The following DIP2C variants were observed in gnomAD, a reference collection of about 807,000 sequenced individuals.
The protein encoded by DIP2C is DIP2 acetate--CoA ligase C (putative).
A neutral mutation model predicts 192.4 loss-of-function variants in DIP2C; 33 were observed. That is an observed-to-expected ratio of 0.17 (90% CI 0.13 to 0.23). The LOEUF is 0.23. Among genes scored for constraint, DIP2C ranks in the 10% least tolerant of loss-of-function variants. The probability of loss-of-function intolerance (pLI) is 1.00; values close to 1 mark genes in which losing one functional copy is unlikely to be tolerated. For missense variants in DIP2C, 1,537 were observed against 2,110.1 expected (o/e 0.73, Z 5.32); for synonymous variants, 979 against 864.1 (o/e 1.13, Z -2.33).
At chr10:532,734 G>GGT (rs1174397902) in intron 1 of DIP2C, among the ~76,000 whole-genome samples, 3 of 111,910 alleles carry the variant, frequency 2.7e-5, no homozygotes, top group African/African-American at 8.8e-5. Context: ...AGAGAGTATG[G>GGT]GTGTGAGAGA....
chr10:315,687 T>A (rs956500109), intron 31 of DIP2C, among the ~76,000 whole-genome samples: 1 of 152,206 alleles, frequency 6.6e-6, no homozygotes, highest in Non-Finnish European at 1.5e-5. Context: ...CTGCCTGGAG[T>A]TGACTGAGCT....
At chr10:521,991 G>C (rs2130819552) in intron 1 of DIP2C, among the ~76,000 whole-genome samples, 1 of 151,946 alleles carries the variant, frequency 6.6e-6, no homozygotes, top group African/African-American at 2.4e-5. Flanking sequence ...TGCTCACTCT[G>C]TGGGTTTCAC....
intron 32 of DIP2C, among the ~76,000 whole-genome samples, chr10:302,995 G>A (rs949173247): frequency 1.3e-5 from 2 of 151,936 alleles, no homozygotes; most frequent in South Asian, 2.1e-4. Context: ...GTCAGACATC[G>A]CATGTGTCTG....
At chr10:535,749 T>G (rs962709895) in intron 1 of DIP2C, among the ~76,000 whole-genome samples, 8 of 152,152 alleles carry the variant, frequency 5.3e-5, no homozygotes, top group Admixed American at 1.3e-4. Flanking sequence ...AAATCTTTTA[T>G]GTCAAATATG....
intron 1 of DIP2C, among the ~76,000 whole-genome samples, chr10:577,472 G>A (rs932022023): frequency 6.6e-6 from 1 of 152,214 alleles, no homozygotes; most frequent in African/African-American, 2.4e-5. Context: ...AGCTCTCTAT[G>A]AAGGTGGTAA....
chr10:577,166 A>G (rs1850218164), intron 1 of DIP2C, among the ~76,000 whole-genome samples: 2 of 152,224 alleles, frequency 1.3e-5, no homozygotes, highest in Non-Finnish European at 2.9e-5. Context: ...ATCCTACTGC[A>G]ATTAATCCTT....
chr10:418,192 G>A (rs867055998), intron 6 of DIP2C, among the ~76,000 whole-genome samples: 62 of 50,922 alleles, frequency 1.2e-3, no homozygotes, highest in Non-Finnish European at 1.5e-3. Context: ...CACCTGTCAG[G>A]GCGCGGACAG....
At chr10:335,543 G>A (rs915111284) in intron 29 of DIP2C, among the ~76,000 whole-genome samples, 4 of 152,206 alleles carry the variant, frequency 2.6e-5, no homozygotes, top group South Asian at 2.1e-4. Context: ...GGATGTTTCC[G>A]TGACTCTCAC....
intron 1 of DIP2C, among the ~76,000 whole-genome samples, chr10:606,134 G>C (rs538848940): frequency 6.6e-6 from 1 of 152,322 alleles, no homozygotes; most frequent in East Asian, 1.9e-4. Context: ...GTTTCTCCTC[G>C]CGCTGCTTTC....
At chr10:591,068 G>C (rs931639918) in intron 1 of DIP2C, among the ~76,000 whole-genome samples, 3 of 150,568 alleles carry the variant, frequency 2.0e-5, no homozygotes, top group African/African-American at 7.5e-5. Flanking sequence ...ACTAAAAAAT[G>C]AAAGAAGCCG....
chr10:288,784 C>T (rs1467189979), intron 32 of DIP2C, among the ~76,000 whole-genome samples: 3 of 152,244 alleles, frequency 2.0e-5, no homozygotes, highest in Admixed American at 1.3e-4. Flanking sequence ...GCCTGGTCCT[C>T]AAGCACCGAC....
intron 1 of DIP2C, among the ~76,000 whole-genome samples, chr10:579,358 A>G (rs1394066205): frequency 1.3e-5 from 2 of 151,968 alleles, no homozygotes; most frequent in Admixed American, 1.3e-4. Context: ...ACCCAAATGT[A>G]GTGTACAAAC....
chr10:684,041 G>A (rs1390134664), intron 1 of DIP2C, among the ~76,000 whole-genome samples: 1 of 152,270 alleles, frequency 6.6e-6, no homozygotes, highest in East Asian at 1.9e-4. Context: ...ACCTGGAGCA[G>A]CCTATGGGCC....
At chr10:560,382 T>C (rs1588463369) in intron 1 of DIP2C, among the ~76,000 whole-genome samples, 1 of 145,398 alleles carries the variant, frequency 6.9e-6, no homozygotes, top group Non-Finnish European at 1.5e-5. Flanking sequence ...CACAACCATT[T>C]AAAAAAAAAA....
At chr10:562,604 A>G (rs754496569) in intron 1 of DIP2C, among the ~76,000 whole-genome samples, 2 of 152,254 alleles carry the variant, frequency 1.3e-5, no homozygotes, top group Admixed American at 6.5e-5. Context: ...TTCTAAATTA[A>G]AATTTCTACT....
At chr10:553,830 T>C (rs1848704949) in intron 1 of DIP2C, among the ~76,000 whole-genome samples, 1 of 151,632 alleles carries the variant, frequency 6.6e-6, no homozygotes, top group Non-Finnish European at 1.5e-5. Context: ...GCAAGAAATA[T>C]ACCTCATAGG....
At chr10:473,637 C>T (rs1317778689) in intron 2 of DIP2C, among the ~76,000 whole-genome samples, 1 of 152,150 alleles carries the variant, frequency 6.6e-6, no homozygotes, top group Non-Finnish European at 1.5e-5. Flanking sequence ...CCGTGAACGG[C>T]TCTGATACCA....
In DIP2C at chr10:510,342, G is replaced by A. The variant is rs529170545; in HGVS notation, c.86-23812C>T. Reference sequence around the variant, plus strand: ...CCTGCTCTGTGTCCTAGGGTCTCAGGGGCTGGGTATTCGGCATTTTAAGTG... The same window carrying A: ...CCTGCTCTGTGTCCTAGGGTCTCAGAGGCTGGGTATTCGGCATTTTAAGTG... On this transcript the variant is annotated intron_variant, in intron 1 of 36. Coordinates refer to ENST00000280886, the MANE Select transcript of DIP2C (RefSeq NM_014974.3). 1.8e-3 allele frequency among the ~76,000 whole-genome samples: 273 copies of A among 152,292 alleles called. 2 individuals are homozygous for A. Among genetic ancestry groups the A allele is most frequent in the Non-Finnish European group, 3.1e-3 (208 of 68,032 alleles).
At chr10:407,095 C>G (rs1655070618) in intron 9 of DIP2C, among the ~76,000 whole-genome samples, 1 of 152,230 alleles carries the variant, frequency 6.6e-6, no homozygotes, top group Non-Finnish European at 1.5e-5. Flanking sequence ...TAATAGAACT[C>G]CAGTCTCCCG....
Sources: gnomAD v4.1 joint callset for allele counts (sites outside exome capture counted in the v4.1 genomes callset) on GRCh38, gnomAD v4.1.1 for gene constraint, MANE v1.5 for transcripts, NCBI Gene and HGNC (gene_info 2026-07-23, HGNC 2026-07-21) for gene names.